SGCZ: variants seen among roughly 807,000 people sequenced by gnomAD.
The protein encoded by SGCZ is zeta-sarcoglycan.
A neutral mutation model predicts 41.3 loss-of-function variants in SGCZ; 40 were observed. That is an observed-to-expected ratio of 0.97 (90% CI 0.75 to 1.26). SGCZ has a LOEUF of 1.26. SGCZ is among the 50% of genes most tolerant of loss of function. SGCZ has a pLI of 0.00. For missense variants in SGCZ, 552 were observed against 369.8 expected (o/e 1.49, Z -4.04); for synonymous variants, 206 against 137.5 (o/e 1.50, Z -3.49).
chr8:14,561,553 T>C lies in SGCZ; in HGVS notation c.40-6627A>G, dbSNP rs114334761. On this transcript the variant is annotated intron_variant, in intron 1 of 7. Transcript: ENST00000382080. ...TACTTACAGTAACTAGGACCCTTTT[T>C]ATTTTAGTTTTGCCATTCTGTTTCA... is the stretch of plus-strand genomic sequence containing the variant. Among the ~76,000 whole-genome samples, 513 of 152,332 alleles carry C rather than the reference T, an allele frequency of 3.4e-3. 7 individuals are homozygous for C. Among genetic ancestry groups the C allele is most frequent in the African/African-American group, 0.011 (469 of 41,584 alleles).
intron 1 of SGCZ, among the ~76,000 whole-genome samples, chr8:15,074,899 T>C (rs1805474068): frequency 6.6e-6 from 1 of 152,184 alleles, no homozygotes; most frequent in African/African-American, 2.4e-5. Flanking sequence ...TCTGAGTACC[T>C]GTGTATCTCT....
At chr8:14,485,470 T>C (rs922478549) in intron 2 of SGCZ, among the ~76,000 whole-genome samples, 13 of 152,080 alleles carry the variant, frequency 8.5e-5, no homozygotes, top group African/African-American at 2.7e-4. Flanking sequence ...TCTCCTAACC[T>C]CGTCATCTGC....
At chr8:14,418,147 T>C (rs1443686690) in intron 2 of SGCZ, among the ~76,000 whole-genome samples, 3 of 151,848 alleles carry the variant, frequency 2.0e-5, no homozygotes, top group African/African-American at 4.8e-5. Context: ...GGATGGAAAG[T>C]TCTGGGAGAA....
chr8:14,335,503 A>G (rs962478290), intron 2 of SGCZ, among the ~76,000 whole-genome samples: 5 of 152,230 alleles, frequency 3.3e-5, no homozygotes, highest in East Asian at 3.9e-4. Context: ...TCTTTTTAAC[A>G]TCTTATCCGT....
intron 3 of SGCZ, among the ~76,000 whole-genome samples, chr8:14,251,302 C>T (rs978595898): frequency 6.6e-6 from 1 of 152,160 alleles, no homozygotes; most frequent in Non-Finnish European, 1.5e-5. Context: ...TCATGTTTTT[C>T]TCTCAGGGAT....
rs530828105 is a variant in SGCZ, at chr8:14,567,232, T to G, written c.40-12306A>C. Reference sequence around the variant, plus strand: ...GGGCTGAGGAGTGCAGGCGCACGGCTTGGGACTTGCAGGCAACTCCATCTG... The same window carrying G: ...GGGCTGAGGAGTGCAGGCGCACGGCGTGGGACTTGCAGGCAACTCCATCTG... On this transcript the variant is annotated intron_variant, in intron 1 of 7. Transcript: ENST00000382080. Among the ~76,000 whole-genome samples, 25 of 152,292 alleles carry G rather than the reference T, an allele frequency of 1.6e-4. No homozygotes were observed. The East Asian group carries it at 4.5e-3, about 27-fold the overall frequency.
chr8:14,987,242 G>T (rs1443974569), intron 1 of SGCZ, among the ~76,000 whole-genome samples: 1 of 151,820 alleles, frequency 6.6e-6, no homozygotes, highest in African/African-American at 2.4e-5. Context: ...GAAATATACT[G>T]TATAAAAGTA....
At chr8:15,076,847 A>T (rs993420171) in intron 1 of SGCZ, among the ~76,000 whole-genome samples, 1 of 150,076 alleles carries the variant, frequency 6.7e-6, no homozygotes, top group African/African-American at 2.5e-5. Flanking sequence ...TCTCAAAGAG[A>T]GGGAAAAAAA....
chr8:14,630,217 A>AT, intron 1 of SGCZ, among the ~76,000 whole-genome samples: 1 of 147,404 alleles, frequency 6.8e-6, no homozygotes, highest in East Asian at 2.1e-4. Flanking sequence ...CATCAAAGTT[A>AT]TTTTTCACAT....
chr8:14,585,878 C>A (rs535567381), intron 1 of SGCZ, among the ~76,000 whole-genome samples: 2 of 152,106 alleles, frequency 1.3e-5, no homozygotes, highest in Non-Finnish European at 2.9e-5. Flanking sequence ...AAATCACCTT[C>A]AGTAAATCAT....
intron 1 of SGCZ, among the ~76,000 whole-genome samples, chr8:14,919,327 GCTA>G (rs1187392746): frequency 6.6e-6 from 1 of 152,036 alleles, no homozygotes; most frequent in Non-Finnish European, 1.5e-5. Flanking sequence ...TATAATCCCA[GCTA>G]CTCAGGGGGC....
chr8:14,887,008 C>T (rs1804833464), intron 1 of SGCZ, among the ~76,000 whole-genome samples: 1 of 152,054 alleles, frequency 6.6e-6, no homozygotes, highest in Non-Finnish European at 1.5e-5. Context: ...AGAGTTTTGG[C>T]TTAAGCAGCT....
At chr8:15,215,323 T>A (rs910885691) in intron 1 of SGCZ, among the ~76,000 whole-genome samples, 1 of 152,244 alleles carries the variant, frequency 6.6e-6, no homozygotes, top group African/African-American at 2.4e-5. Context: ...TAAAATGCAC[T>A]GCATTTGGTA....
At chr8:14,211,346 G>A (rs1024666048) in intron 4 of SGCZ, among the ~76,000 whole-genome samples, 4 of 152,056 alleles carry the variant, frequency 2.6e-5, no homozygotes, top group Non-Finnish European at 4.4e-5. Flanking sequence ...TCAGGTTGCC[G>A]CAGCACCCAG....
At chr8:14,274,187 G>A (rs1168105027) in intron 3 of SGCZ, among the ~76,000 whole-genome samples, 1 of 151,902 alleles carries the variant, frequency 6.6e-6, no homozygotes, top group Non-Finnish European at 1.5e-5. Flanking sequence ...TTTTTCAAAC[G>A]GTAATGAAGT....
intron 1 of SGCZ, among the ~76,000 whole-genome samples, chr8:14,794,882 G>A (rs979172254): frequency 3.9e-5 from 6 of 152,128 alleles, no homozygotes; most frequent in Non-Finnish European, 8.8e-5. Context: ...GTCAAGAAAT[G>A]CCTTTAAAAA....
intron 1 of SGCZ, among the ~76,000 whole-genome samples, chr8:15,088,488 C>T (rs559043498): frequency 3.9e-5 from 6 of 152,214 alleles, no homozygotes; most frequent in African/African-American, 1.4e-4. Context: ...TTCAAAAAAG[C>T]ACAACTGCAA....
intron 1 of SGCZ, among the ~76,000 whole-genome samples, chr8:14,822,752 GA>G (rs551582674): frequency 1.0e-4 from 15 of 148,088 alleles, no homozygotes; most frequent in East Asian, 2.0e-4. Context: ...AATTGTGCTG[GA>G]AAAAAAAAAG....
chr8:14,763,283 C>A (rs1180813839), intron 1 of SGCZ, among the ~76,000 whole-genome samples: 1 of 152,110 alleles, frequency 6.6e-6, no homozygotes, highest in African/African-American at 2.4e-5. Context: ...CCACACTTTA[C>A]ACCAAAAAGC....
Sources: allele counts gnomAD v4.1 joint callset (sites outside exome capture counted in the v4.1 genomes callset), GRCh38; gene constraint gnomAD v4.1.1; transcripts MANE v1.5; gene names NCBI Gene and HGNC (gene_info 2026-07-23, HGNC 2026-07-21).